The following PHACTR1 variants were observed in gnomAD, a reference collection of about 807,000 sequenced individuals.
PHACTR1 encodes phosphatase and actin regulator 1, also known as RPEL repeat containing 1.
PHACTR1 carries 16 observed loss-of-function variants against 69.2 expected under a neutral mutation model. That is an observed-to-expected ratio of 0.23 (90% CI 0.16 to 0.35). The LOEUF (loss-of-function observed/expected upper bound fraction) is 0.35, where lower values mean the gene tolerates loss of function less well. Ranked by LOEUF, PHACTR1 falls within the 10% of genes least tolerant of loss-of-function variation. The pLI, the probability that PHACTR1 is intolerant of heterozygous loss-of-function variation, is 1.00. For synonymous variants in PHACTR1, 312 were observed against 284.5 expected (o/e 1.10, Z -0.97); for missense variants, 510 against 734.7 (o/e 0.69, Z 3.54).
intron 4 of PHACTR1, among the ~76,000 whole-genome samples, chr6:13,003,950 C>CATATAGATATATATATATATATAT (rs1562119669): frequency 1.2e-5 from 1 of 81,360 alleles, no homozygotes; most frequent in African/African-American, 6.3e-5. Flanking sequence ...CAGTAGTATT[C>CATATAGATATATATATATATATAT]CTATATATAT....
At chr6:12,837,122 T>C (rs755078688) in intron 4 of PHACTR1, among the ~76,000 whole-genome samples, 1 of 152,202 alleles carries the variant, frequency 6.6e-6, no homozygotes, top group Non-Finnish European at 1.5e-5. Context: ...AATTGGTCTG[T>C]TACAGTGCAG....
intron 5 of PHACTR1, among the ~76,000 whole-genome samples, chr6:13,129,787 T>A (rs1220444364): frequency 6.6e-6 from 1 of 152,094 alleles, no homozygotes; most frequent in Non-Finnish European, 1.5e-5. Flanking sequence ...GGACTTAAAT[T>A]ATACACTAAA....
chr6:13,223,442 C>T (rs1156295790), intron 8 of PHACTR1, among the ~76,000 whole-genome samples: 1 of 152,130 alleles, frequency 6.6e-6, no homozygotes, highest in Non-Finnish European at 1.5e-5. Context: ...CCAGGAGTGG[C>T]CTGGTCATGG....
intron 10 of PHACTR1, among the ~76,000 whole-genome samples, chr6:13,241,213 GTTC>G (rs1393018433): frequency 6.6e-6 from 1 of 152,146 alleles, no homozygotes; most frequent in South Asian, 2.1e-4. Context: ...GAAAGGAGAT[GTTC>G]TTCTATCTCG....
At chr6:13,219,883 T>A (rs1443179787) in intron 8 of PHACTR1, among the ~76,000 whole-genome samples, 1 of 152,214 alleles carries the variant, frequency 6.6e-6, no homozygotes, top group African/African-American at 2.4e-5. Context: ...TTGCTGATTC[T>A]CCAGGAGAAA....
intron 4 of PHACTR1, among the ~76,000 whole-genome samples, chr6:12,927,701 C>T (rs1018617322): frequency 5.9e-5 from 9 of 152,182 alleles, no homozygotes; most frequent in Non-Finnish European, 1.3e-4. Flanking sequence ...AATTCACATG[C>T]CCGTGATGAC....
intron 4 of PHACTR1, among the ~76,000 whole-genome samples, chr6:12,797,967 A>G (rs1325637120): frequency 6.6e-6 from 1 of 150,912 alleles, no homozygotes; most frequent in African/African-American, 2.4e-5. Flanking sequence ...ACCTACCGCT[A>G]TTTAACATAG....
chr6:13,231,465 AAGG>A (rs1208708021), intron 10 of PHACTR1, among the ~76,000 whole-genome samples: 3 of 149,204 alleles, frequency 2.0e-5, no homozygotes, highest in Non-Finnish European at 4.4e-5. Context: ...AGAAGGAAGG[AAGG>A]AAGGAAGGAA....
intron 4 of PHACTR1, among the ~76,000 whole-genome samples, chr6:12,935,775 C>A (rs1411337812): frequency 6.6e-6 from 1 of 152,102 alleles, no homozygotes; most frequent in Non-Finnish European, 1.5e-5. Context: ...GTATTTCCAT[C>A]TAACCACATG....
chr6:13,218,297 G>A (rs1767983925), intron 8 of PHACTR1, among the ~76,000 whole-genome samples: 2 of 152,060 alleles, frequency 1.3e-5, no homozygotes. Context: ...CCCATGGATG[G>A]GTCACAGTGA....
chr6:12,770,900 G>A (rs114232423), intron 4 of PHACTR1, among the ~76,000 whole-genome samples: 2 of 152,210 alleles, frequency 1.3e-5, no homozygotes, highest in Non-Finnish European at 1.5e-5. Context: ...GGAAAGAGCA[G>A]TTTCTCCCGG....
At chr6:12,771,172 G>T (rs1390191928) in intron 4 of PHACTR1, among the ~76,000 whole-genome samples, 7 of 152,138 alleles carry the variant, frequency 4.6e-5, no homozygotes, top group Non-Finnish European at 1.0e-4. Context: ...TATTTGGCAA[G>T]ACATGATAAA....
chr6:13,003,251 A>G (rs1798304025), intron 4 of PHACTR1, among the ~76,000 whole-genome samples: 1 of 152,208 alleles, frequency 6.6e-6, no homozygotes, highest in Non-Finnish European at 1.5e-5. Context: ...TTTATTATCT[A>G]TAGAGTCAGA....
At chr6:12,961,798 C>T (rs1419290378) in intron 4 of PHACTR1, among the ~76,000 whole-genome samples, 1 of 152,158 alleles carries the variant, frequency 6.6e-6, no homozygotes, top group Non-Finnish European at 1.5e-5. Context: ...GACTGAGGTA[C>T]TGGTAAGGTT....
intron 4 of PHACTR1, chr6:12,957,463 A>G: frequency 1.0e-6 from 1 of 985,426 alleles, no homozygotes; most frequent in Non-Finnish European, 1.2e-6. Flanking sequence ...TGTTTCTGCA[A>G]CCGGTTGCCT....
At chr6:12,901,423 A>G (rs947361333) in intron 4 of PHACTR1, among the ~76,000 whole-genome samples, 1 of 152,164 alleles carries the variant, frequency 6.6e-6, no homozygotes, top group African/African-American at 2.4e-5. Context: ...AAAGGAGGGA[A>G]GGAAAGGTTG....
At chr6:12,929,133 A>G (rs1471129807) in intron 4 of PHACTR1, among the ~76,000 whole-genome samples, 1 of 152,186 alleles carries the variant, frequency 6.6e-6, no homozygotes, top group Non-Finnish European at 1.5e-5. Flanking sequence ...CAGCCAATGC[A>G]TGATCAACTG....
At chr6:13,202,993 G>A (rs1262080506) in intron 7 of PHACTR1, among the ~76,000 whole-genome samples, 1 of 152,214 alleles carries the variant, frequency 6.6e-6, no homozygotes, top group Non-Finnish European at 1.5e-5. Flanking sequence ...TGACTGGTTT[G>A]CATTCTGGTG....
At chr6:13,001,057 T>G (rs1446978268) in intron 4 of PHACTR1, among the ~76,000 whole-genome samples, 2 of 152,196 alleles carry the variant, frequency 1.3e-5, no homozygotes, top group African/African-American at 2.4e-5. Context: ...CTTTCTGGAA[T>G]CATTGATTCC....
Sources: allele counts gnomAD v4.1 joint callset (sites outside exome capture counted in the v4.1 genomes callset), GRCh38; gene constraint gnomAD v4.1.1; transcripts MANE v1.5; gene names NCBI Gene and HGNC (gene_info 2026-07-23, HGNC 2026-07-21).